The following LAMA2 variants were observed in gnomAD, a reference collection of about 807,000 sequenced individuals.
LAMA2 encodes laminin subunit alpha 2, also known as laminin subunit alpha-2.
LAMA2 carries 269 observed loss-of-function variants against 364.8 expected under a neutral mutation model. That is an observed-to-expected ratio of 0.74 (90% CI 0.67 to 0.82). The LOEUF (loss-of-function observed/expected upper bound fraction) is 0.82, where lower values mean the gene tolerates loss of function less well. Among genes scored for constraint, LAMA2 ranks in the 40% least tolerant of loss-of-function variants. The probability of loss-of-function intolerance (pLI) is 0.00; values close to 1 mark genes in which losing one functional copy is unlikely to be tolerated. For missense variants in LAMA2, 3,807 were observed against 3,873.2 expected, an observed-to-expected ratio of 0.98 and a Z score of 0.45; for synonymous variants, 1,379 against 1,370.6, an observed-to-expected ratio of 1.01 and a Z score of -0.14.
intron 1 of LAMA2, among the ~76,000 whole-genome samples, chr6:129,019,247 C>T (rs890829998): frequency 2.0e-5 from 3 of 151,582 alleles, no homozygotes; most frequent in African/African-American, 7.3e-5. Context: ...AATGGCAGGC[C>T]CATTCAATTT....
At chr6:129,393,443 C>G (rs1779435045) in intron 37 of LAMA2, among the ~76,000 whole-genome samples, 188 bp downstream of exon 37, 1 of 152,056 alleles carries the variant, frequency 6.6e-6, no homozygotes, top group South Asian at 2.1e-4. Context: ...TTTTAATGAC[C>G]AGTTACCATC....
At chr6:128,894,180 A>C (rs1176328854) in intron 1 of LAMA2, among the ~76,000 whole-genome samples, 1 of 152,194 alleles carries the variant, frequency 6.6e-6, no homozygotes, top group Non-Finnish European at 1.5e-5. Context: ...CTACGGATCT[A>C]TCTTACACCT....
chr6:129,358,115 TA>T (rs1312924725), intron 32 of LAMA2, among the ~76,000 whole-genome samples: 1 of 152,068 alleles, frequency 6.6e-6, no homozygotes, highest in Non-Finnish European at 1.5e-5. Context: ...AGGCAATCTA[TA>T]AAACATCTTC....
intron 37 of LAMA2, among the ~76,000 whole-genome samples, chr6:129,398,123 G>C (rs1779763149): frequency 6.6e-6 from 1 of 152,104 alleles, no homozygotes; most frequent in Non-Finnish European, 1.5e-5. Flanking sequence ...TGTTTCCAGT[G>C]GCACAGCATT....
intron 45 of LAMA2, among the ~76,000 whole-genome samples, chr6:129,450,510 A>G (rs1583781080): frequency 6.6e-6 from 1 of 151,800 alleles, no homozygotes; most frequent in East Asian, 1.9e-4. Context: ...TTTAGTAGAG[A>G]CAGGGTTTCA....
intron 40 of LAMA2, among the ~76,000 whole-genome samples, chr6:129,407,694 A>C (rs1193725012): frequency 1.3e-5 from 2 of 152,188 alleles, no homozygotes; most frequent in African/African-American, 4.8e-5. Flanking sequence ...TCAGCGGGTC[A>C]TGGCTTTTTA....
intron 35 of LAMA2, among the ~76,000 whole-genome samples, chr6:129,390,292 C>T (rs1441750864): frequency 6.6e-6 from 1 of 151,988 alleles, no homozygotes; most frequent in Non-Finnish European, 1.5e-5. Flanking sequence ...TTCTAATGGG[C>T]TCCAAGGTGG....
chr6:129,265,702 C>G (rs1460376347), intron 15 of LAMA2, among the ~76,000 whole-genome samples: 2 of 147,490 alleles, frequency 1.4e-5, no homozygotes, highest in Non-Finnish European at 3.0e-5. Context: ...ACATTATACA[C>G]TGGGGCCTGT....
At chr6:128,949,137 A>G (rs1438640903) in intron 1 of LAMA2, among the ~76,000 whole-genome samples, 1 of 152,216 alleles carries the variant, frequency 6.6e-6, no homozygotes, top group Non-Finnish European at 1.5e-5. Context: ...TTTTAATATC[A>G]TTAGAAAGGT....
intron 1 of LAMA2, among the ~76,000 whole-genome samples, chr6:129,040,547 T>G (rs548593342): frequency 4.6e-5 from 7 of 152,334 alleles, no homozygotes; most frequent in African/African-American, 1.7e-4. Flanking sequence ...GAGGATCACT[T>G]GAGCCTAGGA....
intron 12 of LAMA2, among the ~76,000 whole-genome samples, chr6:129,207,292 C>CT (rs1019435150): frequency 1.0e-4 from 15 of 149,540 alleles, no homozygotes; most frequent in South Asian, 6.4e-4. Flanking sequence ...TTTTGAAGGT[C>CT]TTTTTTTTTT....
At chr6:129,233,768 A>G (rs1016332572) in intron 12 of LAMA2, among the ~76,000 whole-genome samples, 8 of 152,124 alleles carry the variant, frequency 5.3e-5, no homozygotes, top group Non-Finnish European at 1.5e-5. Context: ...GAAAGGAAGT[A>G]TTTTGTGCCC....
At chr6:129,062,912 G>GTTT (rs368817743) in intron 3 of LAMA2, among the ~76,000 whole-genome samples, 2,827 of 129,974 alleles carry the variant, frequency 0.022, 67 homozygotes, top group African/African-American at 0.061. Flanking sequence ...ATTACAGTGG[G>GTTT]TTTTTTTTTT....
intron 49 of LAMA2, 54 bp downstream of exon 49, chr6:129,460,378 C>T (rs117316128): frequency 9.8e-6 from 15 of 1,538,228 alleles, no homozygotes; most frequent in Admixed American, 5.0e-5. Flanking sequence ...ATAAAAGCTT[C>T]GATTTTATTG....
intron 51 of LAMA2, among the ~76,000 whole-genome samples, chr6:129,472,246 C>A (rs981041454): frequency 2.0e-5 from 3 of 151,906 alleles, no homozygotes; most frequent in Non-Finnish European, 4.4e-5. Context: ...CCCTTATAAC[C>A]CACTGGTTCA....
rs1051575713 is a variant in LAMA2 at position 129,334,003 on chromosome 6, G to A, written c.4311+5591G>A. On this transcript the variant is annotated intron_variant, in intron 29 of 64. Coordinates refer to ENST00000421865, the MANE Select transcript of LAMA2 (RefSeq NM_000426.4). ...TAAACAAACACAGCTGGTATAAACCGTTATGCTCCAAATTTTTATATTTTC... is the reference window on the plus strand; with the variant it reads ...TAAACAAACACAGCTGGTATAAACCATTATGCTCCAAATTTTTATATTTTC... Among the ~76,000 whole-genome samples, 26 of 152,074 alleles carry A rather than the reference G, an allele frequency of 1.7e-4. 1 individual carries two copies. The highest frequency in any genetic ancestry group is 5.3e-4 in the African/African-American group (22 of 41,404).
chr6:129,080,168 C>T (rs1267024802), intron 3 of LAMA2, among the ~76,000 whole-genome samples: 2 of 152,054 alleles, frequency 1.3e-5, no homozygotes, highest in Non-Finnish European at 2.9e-5. Context: ...CTTTTCAACT[C>T]CGTAAGAAAG....
chr6:129,282,327 A>G (rs1373916128), intron 18 of LAMA2, among the ~76,000 whole-genome samples: 2 of 152,196 alleles, frequency 1.3e-5, no homozygotes, highest in Non-Finnish European at 2.9e-5. Flanking sequence ...ATCTCAGACT[A>G]CAGCTCAGGT....
chr6:128,902,268 G>A (rs1777136249), intron 1 of LAMA2, among the ~76,000 whole-genome samples: 1 of 152,182 alleles, frequency 6.6e-6, no homozygotes, highest in South Asian at 2.1e-4. Flanking sequence ...ATATCACTAA[G>A]AGAATAAAAA....
Sources: allele counts gnomAD v4.1 joint callset (sites outside exome capture counted in the v4.1 genomes callset), GRCh38; gene constraint gnomAD v4.1.1; transcripts MANE v1.5; gene names NCBI Gene and HGNC (gene_info 2026-07-23, HGNC 2026-07-21).